The following SLC19A1 variants were observed in gnomAD, a reference collection of about 807,000 sequenced individuals.
The protein encoded by SLC19A1 is solute carrier family 19 member 1, also known as reduced folate transporter.
In SLC19A1, 37 loss-of-function variants were observed where a neutral mutation model predicts 35.3. That is an observed-to-expected ratio of 1.05 (90% CI 0.81 to 1.38). SLC19A1 has a LOEUF of 1.38. SLC19A1 is among the 40% of genes most tolerant of loss of function. The pLI is 0.00. For synonymous variants in SLC19A1, 460 were observed against 398.5 expected, an observed-to-expected ratio of 1.15 and a Z score of -1.84; for missense variants, 831 against 826.9, an observed-to-expected ratio of 1.00 and a Z score of -0.06.
intron 1 of SLC19A1, among the ~76,000 whole-genome samples, chr21:45,556,669 A>G (rs1019312008): frequency 6.6e-6 from 1 of 152,246 alleles, no homozygotes; most frequent in Non-Finnish European, 1.5e-5. Flanking sequence ...GGTGGGGGCC[A>G]GGGACATGGC....
In SLC19A1 at chr21:45,512,614, GC is replaced by G. The variant is rs2037677607; in HGVS notation, c.*3043del. On this transcript the variant is annotated 3_prime_UTR_variant, in exon 6 of 6. Transcript: ENST00000311124. ...AGAAGCCTGATGCTGACATTCACCT[GC>G]CCCAACTCTCCCCTGACCTGTGAGC... is the stretch of plus-strand genomic sequence containing the variant. 1 of 604,058 alleles carries G rather than the reference GC, an allele frequency of 1.7e-6. No homozygotes were observed. Among genetic ancestry groups the G allele is most frequent in the Non-Finnish European group, 2.9e-6 (1 of 342,346 alleles). 37.4% of individuals were successfully genotyped at this position (604,058 alleles called of 1,614,324 possible). A position where few individuals can be genotyped will look rare whatever the true frequency, so the allele number is the denominator to read the frequency against.
chr21:45,556,953 G>A (rs932417803), intron 1 of SLC19A1, among the ~76,000 whole-genome samples: 1 of 152,016 alleles, frequency 6.6e-6, no homozygotes, highest in East Asian at 1.9e-4. Context: ...CTCCTGGGAC[G>A]GCGACTCAGA....
chr21:45,506,053 C>G, intron 3 of SLC19A1: 1 of 1,599,174 alleles, frequency 6.3e-7, no homozygotes, highest in Non-Finnish European at 8.5e-7. Context: ...GCTCAGGCCC[C>G]GGACAGGGAT....
chr21:45,556,060 G>A (rs2146509237), intron 1 of SLC19A1, among the ~76,000 whole-genome samples: 1 of 152,332 alleles, frequency 6.6e-6, no homozygotes, highest in South Asian at 2.1e-4. Context: ...GCCGAGAACA[G>A]AAGCTGGGGT....
At chr21:45,525,989 T>C in intron 4 of SLC19A1, 31 bp from the exon 5 acceptor site, 1 of 1,605,714 alleles carries the variant, frequency 6.2e-7, no homozygotes, top group South Asian at 1.1e-5. Context: ...GATCAGGCGC[T>C]GCTGGGAGAA....
Position 45,514,960 on chromosome 21 carries a change from G to A in SLC19A1, c.*698C>T. ...CCGGGCTGGCACAAGTGTGGGAGCA[G>A]CTGAGGACCCGCAGGTCAGGATGGA... On this transcript the variant is annotated 3_prime_UTR_variant, in exon 6 of 6. Transcript: ENST00000311124. 6.8e-7 allele frequency: 1 copy of A among 1,481,020 alleles called. No individual in the cohort carries two copies. Among genetic ancestry groups the A allele is most frequent in the Non-Finnish European group, 8.9e-7 (1 of 1,117,650 alleles). 91.7% of individuals were successfully genotyped at this position (1,481,020 alleles called of 1,614,324 possible).
At chr21:45,555,150 CAGGGGGCGGCGGGGGCGG>C (rs1569031681) in intron 1 of SLC19A1, among the ~76,000 whole-genome samples, 7 of 83,780 alleles carry the variant, frequency 8.4e-5, no homozygotes, top group South Asian at 8.6e-4. Flanking sequence ...GGGGGCGGTG[CAGGGGGCGGCGGGGGCGG>C]CGCAGGGGGC....
In SLC19A1 at chr21:45,531,870, C is replaced by A. The variant is rs544971901; in HGVS notation, c.468G>T (p.Ser156=). The part of the protein sequence containing the change: ...PARYQRVAGY[S]RAAVLLGVFT... ...ACACGCCCAGCAGCACCGCAGCGCG[C>A]GAGTAGCCGGCCACACGCTGGTAGC... Residue 156 remains serine, a synonymous_variant, in exon 3 of 6, where the codon TCG becomes TCT. Transcript: ENST00000311124. 5.0e-6 allele frequency: 8 copies of A among 1,585,528 alleles called. No homozygotes were observed. The East Asian group carries it at 1.9e-4, about 37-fold the overall frequency.
chr21:45,528,927 T>C (rs369517488), intron 4 of SLC19A1, among the ~76,000 whole-genome samples: 4 of 152,162 alleles, frequency 2.6e-5, no homozygotes, highest in Non-Finnish European at 4.4e-5. Flanking sequence ...CCGTGTTGGA[T>C]TTTTTTGCGA....
At chr21:45,508,437 GGGTAAGTGGGTGAGTGGATGGGT>G (rs1042256303), downstream of SLC19A1, among the ~76,000 whole-genome samples, 4 of 147,562 alleles carry the variant, frequency 2.7e-5, no homozygotes, top group Non-Finnish European at 6.0e-5. Context: ...GATGGATGGT[GGGTAAGTGGGTGAGTGGATGGGT>G]GGATGGACAG....
chr21:45,529,322 C>G (rs1162271204), intron 4 of SLC19A1, among the ~76,000 whole-genome samples: 1 of 152,208 alleles, frequency 6.6e-6, no homozygotes, highest in African/African-American at 2.4e-5. Context: ...ATGCAAGGGT[C>G]AGGAGGGTGC....
At chr21:45,507,550 C>G (rs1218659844) in intron 3 of SLC19A1, 1 of 1,612,520 alleles carries the variant, frequency 6.2e-7, no homozygotes, top group Non-Finnish European at 8.5e-7. Context: ...GACCCTGCTG[C>G]TTTCTTCCAG....
rs377434646 is a variant in SLC19A1, at chr21:45,541,206, C to T, written c.-50+1162G>A. Among the ~76,000 whole-genome samples the T allele has an allele frequency of 3.3e-3, 503 of 152,316 alleles. 2 individuals are homozygous for T. Among genetic ancestry groups the T allele is most frequent in the Non-Finnish European group, 5.8e-3 (396 of 68,024 alleles). On this transcript the variant is annotated intron_variant, in intron 1 of 5. Transcript: ENST00000311124. ...TACTATCTGGAATTATAAAAATCCA[C>T]CAAAGCCCCTTCGGAAAGAAAGCAA...
At chr21:45,544,408 G>A (rs1346976280), upstream of SLC19A1, 1 of 154,340 alleles carries the variant, frequency 6.5e-6, no homozygotes, top group Admixed American at 6.5e-5. Context: ...GGACTGCGAG[G>A]AGTGGCCACA....
At chr21:45,547,146 GA>G (rs1424034049), upstream of SLC19A1, among the ~76,000 whole-genome samples, 1 of 152,212 alleles carries the variant, frequency 6.6e-6, no homozygotes, top group Non-Finnish European at 1.5e-5. Context: ...ATGAAAATCA[GA>G]AAATATCTAA....
At chr21:45,529,814 CCATGTGAG>C (rs2077793870) in intron 4 of SLC19A1, among the ~76,000 whole-genome samples, 1 of 135,946 alleles carries the variant, frequency 7.4e-6, no homozygotes, top group African/African-American at 2.7e-5. Context: ...TGTGGTGTGT[CCATGTGAG>C]TGTGTGGTGT....
downstream of SLC19A1, chr21:45,509,319 TC>T (rs749103235): frequency 2.6e-6 from 4 of 1,533,854 alleles, no homozygotes; most frequent in Non-Finnish European, 1.7e-6. Context: ...ACCCGGAGGG[TC>T]CCCCCGCCGA....
intron 1 of SLC19A1, among the ~76,000 whole-genome samples, chr21:45,551,521 C>A (rs1382217799): frequency 6.6e-6 from 1 of 152,170 alleles, no homozygotes; most frequent in African/African-American, 2.4e-5. Context: ...GTGATTTTTG[C>A]TTGATTTCCT....
downstream of SLC19A1, among the ~76,000 whole-genome samples, chr21:45,511,681 G>A (rs548965015): frequency 2.7e-4 from 41 of 152,254 alleles, no homozygotes; most frequent in East Asian, 5.0e-3. Flanking sequence ...CCACGTGAGC[G>A]CCGCGATTCT....
Sources: allele counts gnomAD v4.1 joint callset (sites outside exome capture counted in the v4.1 genomes callset), GRCh38; gene constraint gnomAD v4.1.1; transcripts MANE v1.5; gene names NCBI Gene and HGNC (gene_info 2026-07-23, HGNC 2026-07-21).